The following ADAR variants were observed in gnomAD, a reference collection of about 807,000 sequenced individuals.
The protein encoded by ADAR is adenosine deaminase RNA specific, also known as double-stranded RNA-specific adenosine deaminase.
A neutral mutation model predicts 113.2 loss-of-function variants in ADAR; 41 were observed. The ratio of observed to expected loss-of-function variants is 0.36; its 90% CI spans 0.28 to 0.47. The LOEUF (loss-of-function observed/expected upper bound fraction) is 0.47. ADAR is among the 20% of genes least tolerant of loss of function. The pLI, the probability that ADAR is intolerant of heterozygous loss-of-function variation, is 1.00. For synonymous variants in ADAR, 605 were observed against 572.6 expected (o/e 1.06, Z -0.81); for missense variants, 1,242 against 1,540.9 (o/e 0.81, Z 3.25).
intron 11 of ADAR, among the ~76,000 whole-genome samples, chr1:154,586,635 G>A (rs1696784063): frequency 6.6e-6 from 1 of 152,198 alleles, no homozygotes; most frequent in South Asian, 2.1e-4. Flanking sequence ...CAGTACATAC[G>A]GAAGAATTCC....
upstream of ADAR, chr1:154,608,237 A>AT: frequency 1.9e-6 from 1 of 539,552 alleles, no homozygotes; most frequent in Non-Finnish European, 3.2e-6. Flanking sequence ...AAGTTTGGCC[A>AT]AGAGGAGGGG....
chr1:154,606,965 C>G (rs1698231958), intron 1 of ADAR, among the ~76,000 whole-genome samples: 1 of 141,984 alleles, frequency 7.0e-6, no homozygotes, highest in African/African-American at 2.6e-5. Context: ...TATATCTTAA[C>G]AAAATTGAGG....
chr1:154,616,703 T>G (rs1698644310), intron 1 of ADAR, among the ~76,000 whole-genome samples: 1 of 152,238 alleles, frequency 6.6e-6, no homozygotes, highest in Non-Finnish European at 1.5e-5. Context: ...ATACAAGTGT[T>G]TTGCTTTCAG....
intron 10 of ADAR, 73 bp downstream of exon 10, chr1:154,588,478 A>G (rs1696912491): frequency 6.3e-7 from 1 of 1,598,404 alleles, no homozygotes; most frequent in Non-Finnish European, 8.5e-7. Flanking sequence ...TTTACAGGCC[A>G]GGAGAGCATT....
chr1:154,616,499 C>T lies in ADAR; in HGVS notation c.-871+11356G>A, dbSNP rs555676950. On this transcript the variant is annotated intron_variant, in intron 1 of 14. Transcript: ENST00000368471. ...CTCCTTTCCACTATCCTATGATTTG[C>T]CCTTCAGATCTCAGGGTAGTCAACA... Among the ~76,000 whole-genome samples, 6 of 152,274 alleles carry T rather than the reference C, an allele frequency of 3.9e-5. No individual in the cohort carries two copies. In the East Asian group the frequency reaches 1.2e-3, roughly 29 times the overall value.
At chr1:154,614,162 T>A (rs1698569319) in intron 1 of ADAR, among the ~76,000 whole-genome samples, 1 of 152,222 alleles carries the variant, frequency 6.6e-6, no homozygotes, top group Non-Finnish European at 1.5e-5. Context: ...TTTGCAAGTA[T>A]GTATAACTAA....
chr1:154,591,015 GAT>G (rs1697112847), intron 6 of ADAR, among the ~76,000 whole-genome samples: 2 of 152,208 alleles, frequency 1.3e-5, no homozygotes, highest in South Asian at 2.1e-4. Context: ...TGAAAAAAGA[GAT>G]AAAAATGTAA....
chr1:154,623,016 A>G (rs1470058888), intron 1 of ADAR, among the ~76,000 whole-genome samples: 2 of 152,356 alleles, frequency 1.3e-5, no homozygotes, highest in South Asian at 4.1e-4. Context: ...GAGTGCTATG[A>G]AGACAAATAA....
At position 154,607,976 on chromosome 1, in the gene ADAR, G is replaced by C; in HGVS notation, c.15+16C>G. 2 of 1,611,228 alleles carry C rather than the reference G, an allele frequency of 1.2e-6. No homozygotes were observed. Among genetic ancestry groups the C allele is most frequent in the Admixed American group, 3.3e-5 (2 of 59,800 alleles). On this transcript the variant is annotated intron_variant, in intron 1 of 14. Transcript: ENST00000368474. ...AACCCAGACGGCGGCGAAGGTCCAA[G>C]GCCGGCCCGGCTTACCTGCCGCGGA... is the stretch of plus-strand genomic sequence containing the variant.
chr1:154,596,995 G>T lies in ADAR; in HGVS notation c.2080C>A (p.Pro694Thr). Residue 694 changes from proline to threonine, a missense_variant and splice_region_variant, in exon 6 of 15, where the codon CCT (proline) becomes ACT (threonine). By Grantham distance (38) the Pro-to-Thr change is conservative (BLOSUM62 -1). Around this residue, in one of 2 missense-constraint regions of ADAR, gnomAD observed 780 missense variants for 1,057.9 expected, o/e 0.74. Coordinates refer to ENST00000368474, the MANE Select transcript of ADAR (RefSeq NM_001111.5). ...ATNSMASDNQPEGMISESLDN... is the reference protein window; with the variant it reads ...ATNSMASDNQTEGMISESLDN... Reference sequence around the variant, plus strand: ...AGTGACTCTGAGATCATACCTTCAGGCTAAAGGAGAATCCATCAAACAGAG... The same window carrying T: ...AGTGACTCTGAGATCATACCTTCAGTCTAAAGGAGAATCCATCAAACAGAG... 6.2e-7 allele frequency: 1 copy of T among 1,614,102 alleles called. No homozygotes were observed. The highest frequency in any genetic ancestry group is 1.7e-5 in the Admixed American group (1 of 60,010).
rs906764681 is a variant in ADAR at position 154,589,195 on chromosome 1, G to A, written c.2762+174C>T. Among the ~76,000 whole-genome samples, 4 of 152,342 alleles carry A rather than the reference G, an allele frequency of 2.6e-5. No individual in the cohort carries two copies. The East Asian group carries it at 7.7e-4, about 29-fold the overall frequency. ...TGGGAGGCAGCTCAGCTCACAGAGG[G>A]GATGGATTCCATCAGACAGGTTCAA... On this transcript the variant is annotated intron_variant, in intron 9 of 14. Transcript: ENST00000368474.
chr1:154,597,092 C>T (rs762871529), intron 5 of ADAR, 31 bp downstream of exon 5: 31 of 1,614,016 alleles, frequency 1.9e-5, no homozygotes, highest in Non-Finnish European at 2.3e-5. Flanking sequence ...CTAAAAATGA[C>T]CTGTATCTTT....
At chr1:154,586,114 G>C in intron 12 of ADAR, 67 bp downstream of exon 12, 1 of 1,585,116 alleles carries the variant, frequency 6.3e-7, no homozygotes. Context: ...TGGCAATAAA[G>C]CATGCAGTTT....
chr1:154,619,597 C>G (rs1698732286), intron 1 of ADAR, among the ~76,000 whole-genome samples: 1 of 151,954 alleles, frequency 6.6e-6, no homozygotes. Flanking sequence ...GTATCACCCT[C>G]AAAATAAGAA....
upstream of ADAR, among the ~76,000 whole-genome samples, chr1:154,610,824 GAAAAAAAAAAAAAAA>G (rs1298389364): frequency 1.5e-5 from 1 of 65,204 alleles, no homozygotes; most frequent in African/African-American, 6.6e-5. Flanking sequence ...AAAAAAAAAA[GAAAAAAAAAAAAAAA>G]AAGACAAAAT....
Position 154,602,232 on chromosome 1 carries a change from T to C in ADAR, c.410A>G (p.Gln137Arg). The C allele has an allele frequency of 6.2e-7, 1 of 1,614,176 alleles. No homozygotes were observed. Among genetic ancestry groups the C allele is most frequent in the African/African-American group, 1.3e-5 (1 of 75,050 alleles). ...SSHFQELSIY[Q>R]DQEQRILKFL... ...CTTTAAGATCCTTTGTTCCTGATCT[T>C]GGTAGATACTCAGTTCCTGGAAATG... The change falls in exon 2 of 15, where the codon CAA becomes CGA. Residue 137 changes from glutamine to arginine, a missense_variant. By Grantham distance (43) the Gln-to-Arg change is conservative. This residue lies in a region of ADAR where 462 missense variants were observed against 483.1 expected (regional missense o/e 0.96). Transcript: ENST00000368474.
chr1:154,594,705 T>A (rs1407720442), intron 6 of ADAR, among the ~76,000 whole-genome samples: 1 of 152,216 alleles, frequency 6.6e-6, no homozygotes, highest in East Asian at 1.9e-4. Flanking sequence ...GGAGGGTAAG[T>A]GCAGGGATCC....
chr1:154,609,549 C>G (rs1249135252), upstream of ADAR, among the ~76,000 whole-genome samples: 1 of 152,168 alleles, frequency 6.6e-6, no homozygotes, highest in African/African-American at 2.4e-5. Flanking sequence ...TAGCATGCAC[C>G]TCCTCCACGG....
At position 154,599,585 on chromosome 1, in the gene ADAR, C is replaced by G. The variant is rs1399787280; in HGVS notation, c.1602-1000G>C. 2.6e-5 allele frequency among the ~76,000 whole-genome samples: 4 copies of G among 151,752 alleles called. No individual in the cohort carries two copies. In the East Asian group the frequency reaches 7.8e-4, roughly 30 times the overall value. On this transcript the variant is annotated intron_variant, in intron 2 of 14. Coordinates refer to ENST00000368474, the MANE Select transcript of ADAR (RefSeq NM_001111.5). The stretch of plus-strand genomic sequence containing the variant: ...ACAGTCAAGACAAGGAATAAGGGCC[C>G]TAGCCAGGAATCTACACCCCTAGAA...
Sources: gnomAD v4.1 joint callset for allele counts (sites outside exome capture counted in the v4.1 genomes callset) on GRCh38, gnomAD v4.1.1 for gene constraint, gnomAD v4.1.1 regional missense constraint, MANE v1.5 for transcripts, NCBI Gene and HGNC (gene_info 2026-07-23, HGNC 2026-07-21) for gene names.